Variants in TJP2 observed in about 807,000 individuals in gnomAD.
The protein encoded by TJP2 is Friedreich ataxia region gene X104 (tight junction protein ZO-2).
In TJP2, 91 loss-of-function variants were observed where a neutral mutation model predicts 133.1. The ratio of observed to expected loss-of-function variants is 0.68; its 90% CI spans 0.58 to 0.81. The LOEUF (loss-of-function observed/expected upper bound fraction) is 0.81, where lower values mean the gene tolerates loss of function less well. Ranked by LOEUF, TJP2 falls within the 40% of genes least tolerant of loss-of-function variation. TJP2 has a pLI of 0.00. For synonymous variants in TJP2, 592 were observed against 583.4 expected (o/e 1.01, Z -0.21); for missense variants, 1,541 against 1,565.6 (o/e 0.98, Z 0.26).
In TJP2 at chr9:69,165,198, G is replaced by A. The variant is rs372513708; in HGVS notation, c.-10+13427G>A. On this transcript the variant is annotated intron_variant, in intron 2 of 5. Coordinates refer to the TJP2 transcript ENST00000423935. ...GGCTGGAGGGCAGTGGCACAATCAC[G>A]GCTACTGCAGCCTCAACCTCTTGGA... 1.2e-3 allele frequency among the ~76,000 whole-genome samples: 181 copies of A among 152,216 alleles called. 2 individuals carry two copies. The highest frequency in any genetic ancestry group is 3.6e-3 in the African/African-American group (148 of 41,540).
intron 17 of TJP2, among the ~76,000 whole-genome samples, chr9:69,240,479 C>T (rs886608728): frequency 6.6e-6 from 1 of 152,222 alleles, no homozygotes; most frequent in African/African-American, 2.4e-5. Context: ...TCATTGTTCT[C>T]TACTCACCAT....
intron 2 of TJP2, among the ~76,000 whole-genome samples, chr9:69,158,403 G>T (rs976783673): frequency 6.8e-6 from 1 of 146,828 alleles, no homozygotes; most frequent in Admixed American, 6.9e-5. Context: ...AATCTTAAAA[G>T]GCTTCTCTGT....
chr9:69,128,990 G>A (rs1335664378), intron 1 of TJP2, among the ~76,000 whole-genome samples: 3 of 152,194 alleles, frequency 2.0e-5, no homozygotes, highest in African/African-American at 4.8e-5. Context: ...AATTTATTGC[G>A]GCTTAGGCCT....
Position 69,240,012 on chromosome 9 carries a change from A to G in TJP2, c.2431A>G (p.Ile811Val). The G allele has an allele frequency of 6.2e-7, 1 of 1,614,118 alleles. No homozygotes were observed. Residue 811 changes from isoleucine (I) to valine (V), a missense_variant, in exon 17 of 23, where the codon ATT (isoleucine) becomes GTT (valine). Transcript: ENST00000377245. ...LNYTQWFPIV[I>V]FFNPDSRQGV... ...TTACACCCAGTGGTTCCCAATTGTGATTTTTTTCAACCCAGACTCCAGACA... is the reference window on the plus strand; with the variant it reads ...TTACACCCAGTGGTTCCCAATTGTGGTTTTTTTCAACCCAGACTCCAGACA...
chr9:69,153,900 A>G (rs933283930), intron 2 of TJP2, among the ~76,000 whole-genome samples: 2 of 152,162 alleles, frequency 1.3e-5, no homozygotes, highest in Non-Finnish European at 2.9e-5. Flanking sequence ...GCCTTGGGTG[A>G]GCTTGAGTGA....
Position 69,222,851 on chromosome 9 carries a change from T to G in TJP2, c.952+1355T>G, listed in dbSNP as rs1346146075. Among the ~76,000 whole-genome samples, 8 of 151,524 alleles carry G rather than the reference T, an allele frequency of 5.3e-5. No individual in the cohort carries two copies. In the East Asian group the frequency reaches 1.6e-3, roughly 30 times the overall value. On this transcript the variant is annotated intron_variant, in intron 5 of 22. Transcript: ENST00000377245. ...TGGGAGGCCGAGGTGGGCGGATGAC[T>G]TGAGGTCAGGAGTTGGAGACCAGCC...
rs1831576862 is a variant in TJP2, at chr9:69,254,631, T to C, written c.*257T>C. 1.7e-6 allele frequency: 1 copy of C among 599,638 alleles called. No individual in the cohort carries two copies. The highest frequency in any genetic ancestry group is 1.9e-5 in the African/African-American group (1 of 53,904). The allele number at this position is 599,638 out of a possible 1,614,324, so 37.1% of individuals were successfully genotyped here. ...GCAGAACACTGCAGTCAGATCCTGT[T>C]ACTTGCTTCAGTGGACCGAAATCTG... On this transcript the variant is annotated 3_prime_UTR_variant, in exon 23 of 23. Transcript: ENST00000377245.
intron 1 of TJP2, among the ~76,000 whole-genome samples, chr9:69,193,059 G>T (rs570183565): frequency 6.6e-6 from 1 of 151,946 alleles, no homozygotes; most frequent in Non-Finnish European, 1.5e-5. Context: ...GGCACTACAG[G>T]CGTGCGCCAC....
intron 1 of TJP2, among the ~76,000 whole-genome samples, chr9:69,151,439 CAT>C (rs781165817): frequency 3.5e-4 from 52 of 146,712 alleles, no homozygotes; most frequent in Non-Finnish European, 6.4e-4. Context: ...GATATCACAC[CAT>C]TGCACTCTAG....
Position 69,246,697 on chromosome 9 carries a change from C to T in TJP2, c.2574C>T (p.Ile858=), listed in dbSNP as rs1830951886. 3.1e-6 allele frequency: 5 copies of T among 1,613,924 alleles called. No homozygotes were observed. The highest frequency in any genetic ancestry group is 4.2e-6 in the Non-Finnish European group (5 of 1,179,834). The change falls in exon 18 of 23, where the codon ATC becomes ATT. Residue 858 remains isoleucine (I), a synonymous_variant. Transcript: ENST00000377245. ...KTCAHLFTAT[I]NLNSANDSWF... is the part of the protein sequence containing the mutation. ...TTGTTTATATTTCTATAGCTACAAT[C>T]AACCTAAATTCAGCCAATGATAGCT...
intron 1 of TJP2, among the ~76,000 whole-genome samples, chr9:69,200,094 T>C (rs1176880614): frequency 6.6e-6 from 1 of 152,228 alleles, no homozygotes; most frequent in African/African-American, 2.4e-5. Context: ...TGTTTTGACA[T>C]GTCTGTCCCT....
In TJP2 at chr9:69,229,111, T is replaced by C. The variant is rs966336891; in HGVS notation, c.1454-73T>C. ...CATAGACTTACATTTTTTGTGGATT[T>C]TGTGATTTTTCTATTTAGAAACGCA... is the stretch of plus-strand genomic sequence containing the variant. On this transcript the variant is annotated intron_variant, in intron 9 of 22. Coordinates refer to ENST00000377245, the MANE Select transcript of TJP2 (RefSeq NM_004817.4). 8 of 1,406,676 alleles carry C rather than the reference T, an allele frequency of 5.7e-6. No individual in the cohort carries two copies. The Admixed American group carries it at 8.4e-5, about 15-fold the overall frequency. 87.1% of individuals were successfully genotyped at this position (1,406,676 alleles called of 1,614,324 possible). A position where few individuals can be genotyped will look rare whatever the true frequency, so the allele number is the denominator to read the frequency against.
chr9:69,163,853 G>T (rs1268454039), intron 2 of TJP2, among the ~76,000 whole-genome samples: 9 of 152,150 alleles, frequency 5.9e-5, no homozygotes, highest in Non-Finnish European at 1.0e-4. Context: ...TTGTGTCAGA[G>T]AATTGTAATG....
chr9:69,163,566 G>A (rs946004221), intron 2 of TJP2, among the ~76,000 whole-genome samples: 1 of 151,704 alleles, frequency 6.6e-6, no homozygotes, highest in Non-Finnish European at 1.5e-5. Flanking sequence ...AGCCTGGGAG[G>A]CAATGGTTGC....
rs958076885 is a variant in TJP2 at position 69,249,494 on chromosome 9, CTGGGAAGCCCAGGA to C, written c.2991+17_2991+30del. ...AGCCAGAGCCGCCCAAGGTACGTGG[CTGGGAAGCCCAGGA>C]TGGGAAGGAAGAGGAAGCAGATGCC... is the stretch of plus-strand genomic sequence containing the variant. On this transcript the variant is annotated intron_variant, in intron 20 of 22. Transcript: ENST00000377245. 14 of 1,595,658 alleles carry C rather than the reference CTGGGAAGCCCAGGA, an allele frequency of 8.8e-6. No individual in the cohort carries two copies. In the East Asian group the frequency reaches 1.1e-4, roughly 13 times the overall value.
chr9:69,227,986 G>C lies in TJP2; in HGVS notation c.1325G>C (p.Arg442Thr). 6.2e-7 allele frequency: 1 copy of C among 1,614,188 alleles called. No individual in the cohort carries two copies. The highest frequency in any genetic ancestry group is 8.5e-7 in the Non-Finnish European group (1 of 1,180,030). Residue 442 changes from arginine to threonine, a missense_variant, in exon 9 of 23, where the codon AGA (arginine) becomes ACA (threonine). Coordinates refer to ENST00000377245, the MANE Select transcript of TJP2 (RefSeq NM_004817.4). ...ACGTATGACATGTGATTCAGTTCCA[G>C]AGAGGACACGCCGAGCAGATTGTCC... ...SEKLKERPSS[R>T]EDTPSRLSRM...
At chr9:69,252,977 A>C in intron 22 of TJP2, 77 bp downstream of exon 22, 1 of 1,413,682 alleles carries the variant, frequency 7.1e-7, no homozygotes, top group Admixed American at 1.8e-5. Flanking sequence ...AATTTCCTTT[A>C]CCCAAATTTC....
chr9:69,236,618 G>A (rs1472114119), intron 13 of TJP2, among the ~76,000 whole-genome samples: 1 of 152,148 alleles, frequency 6.6e-6, no homozygotes, highest in Non-Finnish European at 1.5e-5. Flanking sequence ...GTGAACACTT[G>A]GTGTTTGGCT....
chr9:69,220,789 C>A, intron 4 of TJP2, 98 bp from the exon 5 acceptor site: 2 of 1,211,858 alleles, frequency 1.7e-6, no homozygotes, highest in Non-Finnish European at 2.4e-6. Flanking sequence ...GGCAGGGATA[C>A]GGTTTTCCTG....
Sources: gnomAD v4.1 joint callset for allele counts (sites outside exome capture counted in the v4.1 genomes callset) on GRCh38, gnomAD v4.1.1 for gene constraint, MANE v1.5 for transcripts, NCBI Gene and HGNC (gene_info 2026-07-23, HGNC 2026-07-21) for gene names.